The following SLC26A7 variants were observed in gnomAD, a reference collection of about 807,000 sequenced individuals.
The protein encoded by SLC26A7 is solute carrier family 26 member 7.
Under a neutral mutation model 82.5 loss-of-function variants are expected in SLC26A7, and 59 were observed. The observed-to-expected ratio is 0.72, with a 90% CI of 0.58 to 0.89. The LOEUF is 0.89. Among genes scored for constraint, SLC26A7 ranks in the 40% least tolerant of loss-of-function variants. SLC26A7 has a pLI of 0.00. For missense variants in SLC26A7, 820 were observed against 793.0 expected, an observed-to-expected ratio of 1.03 and a Z score of -0.41; for synonymous variants, 271 against 274.3, an observed-to-expected ratio of 0.99 and a Z score of 0.12.
At chr8:91,355,113 T>C (rs1047497821) in intron 11 of SLC26A7, among the ~76,000 whole-genome samples, 2 of 152,262 alleles carry the variant, frequency 1.3e-5, no homozygotes, top group Admixed American at 6.5e-5. Context: ...ACATTATCTT[T>C]AGGCATTGAG....
intron 2 of SLC26A7, among the ~76,000 whole-genome samples, chr8:91,221,251 T>C (rs757255468): frequency 2.0e-5 from 3 of 152,230 alleles, no homozygotes; most frequent in Non-Finnish European, 4.4e-5. Flanking sequence ...TTAAGTTCCT[T>C]GTAAATTCTG....
chr8:91,340,364 A>G (rs755444297), intron 7 of SLC26A7, 40 bp from the exon 8 acceptor site: 3 of 1,595,496 alleles, frequency 1.9e-6, no homozygotes, highest in Non-Finnish European at 2.6e-6. Context: ...CAGAAATTAC[A>G]TGAAGTTTGA....
intron 6 of SLC26A7, among the ~76,000 whole-genome samples, chr8:91,337,534 G>A (rs1015129354): frequency 6.6e-6 from 1 of 152,136 alleles, no homozygotes; most frequent in Non-Finnish European, 1.5e-5. Context: ...ATGTAACCTT[G>A]CTTAGCATAT....
Position 91,388,176 on chromosome 8 carries a change from A to G in SLC26A7, c.1676-1162A>G, listed in dbSNP as rs181977994. The stretch of plus-strand genomic sequence containing the variant: ...GACGGAGTCTTGCTCTGTTGCCCAG[A>G]CTGGAGTGCAGTGGCACGATCTCGA... On this transcript the variant is annotated intron_variant, in intron 15 of 18. Coordinates refer to ENST00000276609, the MANE Select transcript of SLC26A7 (RefSeq NM_052832.4). Among the ~76,000 whole-genome samples the G allele has an allele frequency of 5.3e-3, 799 of 151,818 alleles. 12 individuals carry two copies. Among genetic ancestry groups the G allele is most frequent in the African/African-American group, 0.018 (726 of 41,358 alleles).
chr8:91,343,664 C>T (rs1422945950), intron 9 of SLC26A7, among the ~76,000 whole-genome samples, 198 bp downstream of exon 9: 1 of 152,154 alleles, frequency 6.6e-6, no homozygotes, highest in African/African-American at 2.4e-5. Context: ...AAGGATTCAA[C>T]AAGGAAACTA....
chr8:91,336,355 C>G (rs2130834003), intron 6 of SLC26A7, among the ~76,000 whole-genome samples: 1 of 152,246 alleles, frequency 6.6e-6, no homozygotes, highest in East Asian at 1.9e-4. Flanking sequence ...TGCCTGAGCT[C>G]TGCCTCCTGT....
In SLC26A7 at chr8:91,358,935, TG is replaced by T. The variant is rs534523977; in HGVS notation, c.1315-3412del. ...ATCAACACCAGGGCCGGTTGTGGGT[TG>T]GGGGGACGGGGGAGGGATAGAATTA... On this transcript the variant is annotated intron_variant, in intron 11 of 18. Coordinates refer to ENST00000276609, the MANE Select transcript of SLC26A7 (RefSeq NM_052832.4). Among the ~76,000 whole-genome samples the T allele has an allele frequency of 1.3e-3, 195 of 151,536 alleles. 1 individual carries two copies. Among genetic ancestry groups the T allele is most frequent in the African/African-American group, 4.6e-3 (190 of 41,292 alleles).
intron 4 of SLC26A7, 122 bp downstream of exon 4, chr8:91,295,825 G>A: frequency 2.3e-6 from 2 of 865,650 alleles, no homozygotes; most frequent in Non-Finnish European, 3.4e-6. Flanking sequence ...GGCCTGATGT[G>A]TTTTATCATT....
intron 2 of SLC26A7, among the ~76,000 whole-genome samples, chr8:91,276,526 C>A (rs952319956): frequency 6.6e-6 from 1 of 152,122 alleles, no homozygotes; most frequent in Non-Finnish European, 1.5e-5. Flanking sequence ...CATCAAAATT[C>A]TTCTCCAAAT....
At chr8:91,345,765 G>A (rs1223523671) in intron 9 of SLC26A7, among the ~76,000 whole-genome samples, 1 of 152,112 alleles carries the variant, frequency 6.6e-6, no homozygotes, top group Non-Finnish European at 1.5e-5. Flanking sequence ...GTTTCAATGT[G>A]TTCCATAACT....
chr8:91,376,926 G>A (rs1814532945), intron 15 of SLC26A7, among the ~76,000 whole-genome samples: 1 of 152,064 alleles, frequency 6.6e-6, no homozygotes, highest in Non-Finnish European at 1.5e-5. Flanking sequence ...TATAGACTTT[G>A]TCCTTTGGCT....
rs139531243 is a variant in SLC26A7 at position 91,364,194 on chromosome 8, A to G, written c.1488+656A>G. On this transcript the variant is annotated intron_variant, in intron 13 of 18. Transcript: ENST00000276609. The stretch of plus-strand genomic sequence containing the variant: ...GTGAGGGTAAAATTGTTGACTTGAA[A>G]TATTTTTGCCAATTAAAGAAAATTG... 2.4e-4 allele frequency among the ~76,000 whole-genome samples: 36 copies of G among 152,274 alleles called. No individual in the cohort carries two copies. The East Asian group carries it at 6.8e-3, about 29-fold the overall frequency.
At chr8:91,223,906 A>G (rs887857254) in intron 2 of SLC26A7, among the ~76,000 whole-genome samples, 2 of 151,138 alleles carry the variant, frequency 1.3e-5, no homozygotes, top group African/African-American at 4.9e-5. Flanking sequence ...TCTTGCCTGC[A>G]TGTCTTATTT....
chr8:91,298,469 T>G (rs978473459), intron 4 of SLC26A7, among the ~76,000 whole-genome samples: 3 of 152,126 alleles, frequency 2.0e-5, no homozygotes. Flanking sequence ...AATATTTTAG[T>G]TTGTTTTCTA....
intron 2 of SLC26A7, among the ~76,000 whole-genome samples, chr8:91,250,668 A>G (rs746192054): frequency 6.6e-6 from 1 of 152,152 alleles, no homozygotes; most frequent in Non-Finnish European, 1.5e-5. Context: ...CTTGGCATAG[A>G]CACTGCAGGC....
At chr8:91,323,489 T>C (rs1812848505) in intron 5 of SLC26A7, among the ~76,000 whole-genome samples, 1 of 152,196 alleles carries the variant, frequency 6.6e-6, no homozygotes, top group Non-Finnish European at 1.5e-5. Flanking sequence ...AAACAAGAGA[T>C]GGCTGGATGC....
intron 2 of SLC26A7, among the ~76,000 whole-genome samples, chr8:91,233,109 C>A (rs1366870482): frequency 6.6e-6 from 1 of 152,036 alleles, no homozygotes; most frequent in African/African-American, 2.4e-5. Flanking sequence ...CCTGGTGAGA[C>A]CCTAATGAAA....
intron 15 of SLC26A7, among the ~76,000 whole-genome samples, chr8:91,372,365 C>T (rs78332352): frequency 0.033 from 4,981 of 151,838 alleles, 117 homozygotes; most frequent in Non-Finnish European, 0.052. Flanking sequence ...TATAGTTTCA[C>T]GTCTTATATT....
At chr8:91,292,732 G>GT (rs201536369) in intron 3 of SLC26A7, among the ~76,000 whole-genome samples, 5,089 of 149,526 alleles carry the variant, frequency 0.034, 110 homozygotes, top group African/African-American at 0.056. Context: ...TTTAAAATAG[G>GT]TTTTTTTTTT....
Sources: allele counts gnomAD v4.1 joint callset (sites outside exome capture counted in the v4.1 genomes callset), GRCh38; gene constraint gnomAD v4.1.1; transcripts MANE v1.5; gene names NCBI Gene and HGNC (gene_info 2026-07-23, HGNC 2026-07-21).